Variants in FAM168A observed in about 807,000 individuals in gnomAD.
FAM168A encodes protein FAM168A.
In FAM168A, 3 loss-of-function variants were observed where a neutral mutation model predicts 28.5. That is an observed-to-expected ratio of 0.11 (90% CI 0.05 to 0.27). The LOEUF is 0.27. Among genes scored for constraint, FAM168A ranks in the 10% least tolerant of loss-of-function variants. FAM168A has a pLI of 1.00. For synonymous variants in FAM168A, 122 were observed against 124.2 expected (o/e 0.98, Z 0.12); for missense variants, 222 against 311.5 (o/e 0.71, Z 2.16).
At chr11:73,490,357 C>G (rs1868111270) in intron 1 of FAM168A, among the ~76,000 whole-genome samples, 1 of 152,212 alleles carries the variant, frequency 6.6e-6, no homozygotes, top group Non-Finnish European at 1.5e-5. Flanking sequence ...GAGTGGCTCT[C>G]TGAAAACATA....
chr11:73,545,881 C>A (rs1288917433), intron 1 of FAM168A, among the ~76,000 whole-genome samples: 3 of 151,526 alleles, frequency 2.0e-5, no homozygotes, highest in Non-Finnish European at 4.4e-5. Flanking sequence ...ATATTCACAA[C>A]AAAAAAACCC....
chr11:73,452,094 T>A (rs1342392850), intron 2 of FAM168A: 1 of 152,284 alleles, frequency 6.6e-6, no homozygotes, highest in Admixed American at 6.5e-5. Flanking sequence ...GTTGGAAGTC[T>A]GGGGATTCCA....
chr11:73,596,709 C>G (rs906277153), intron 1 of FAM168A, among the ~76,000 whole-genome samples: 5 of 152,022 alleles, frequency 3.3e-5, no homozygotes, highest in Non-Finnish European at 7.4e-5. Flanking sequence ...CAATCCTTCA[C>G]CACCAAAATA....
intron 2 of FAM168A, among the ~76,000 whole-genome samples, chr11:73,442,347 C>T (rs1590779394): frequency 6.6e-6 from 1 of 152,066 alleles, no homozygotes; most frequent in Non-Finnish European, 1.5e-5. Context: ...AGGATGGTCT[C>T]GATCTCCTGA....
At chr11:73,458,638 C>T (rs1369937862) in intron 2 of FAM168A, among the ~76,000 whole-genome samples, 5 of 152,036 alleles carry the variant, frequency 3.3e-5, no homozygotes, top group African/African-American at 7.2e-5. Flanking sequence ...TATGGAGTCT[C>T]GTTGCACTGT....
At chr11:73,473,375 C>A (rs546710380) in intron 1 of FAM168A, among the ~76,000 whole-genome samples, 1 of 152,202 alleles carries the variant, frequency 6.6e-6, no homozygotes, top group South Asian at 2.1e-4. Flanking sequence ...GGCCTCAAAC[C>A]CTTGTTCAAC....
chr11:73,555,439 A>T (rs1365237116), intron 1 of FAM168A, among the ~76,000 whole-genome samples: 2 of 152,032 alleles, frequency 1.3e-5, no homozygotes, highest in Non-Finnish European at 2.9e-5. Flanking sequence ...CAAAGGAAAA[A>T]TGGGGCTAAG....
At chr11:73,553,967 C>T (rs1174949039) in intron 1 of FAM168A, among the ~76,000 whole-genome samples, 1 of 151,724 alleles carries the variant, frequency 6.6e-6, no homozygotes, top group African/African-American at 2.4e-5. Flanking sequence ...CCAGTCACTG[C>T]ACCCCAGCCT....
At chr11:73,526,212 A>G (rs560330340) in intron 1 of FAM168A, among the ~76,000 whole-genome samples, 5 of 152,232 alleles carry the variant, frequency 3.3e-5, no homozygotes, top group Non-Finnish European at 7.3e-5. Flanking sequence ...ATGACACAAA[A>G]TTCACAGAAC....
In FAM168A at chr11:73,544,985, T is replaced by A. The variant is rs11235799; in HGVS notation, c.-19+52938A>T. Among the ~76,000 whole-genome samples, 79 of 73,056 alleles carry A rather than the reference T, an allele frequency of 1.1e-3. 5 individuals are homozygous for A. The highest frequency in any genetic ancestry group is 6.0e-3 in the African/African-American group (72 of 12,036). The allele number at this position is 73,056 out of a possible 152,430, so 47.9% of individuals were successfully genotyped here. On this transcript the variant is annotated intron_variant, in intron 1 of 7. Transcript: ENST00000356467. ...TATAATATATATTATATAATATATTTTATATATAGTATATATAATATACTA... is the reference window on the plus strand; with the variant it reads ...TATAATATATATTATATAATATATTATATATATAGTATATATAATATACTA...
Position 73,468,408 on chromosome 11 carries a change from T to A in FAM168A, c.67A>T (p.Thr23Ser). 6.2e-7 allele frequency: 1 copy of A among 1,614,050 alleles called. No homozygotes were observed. The change falls in exon 2 of 8, where the codon ACG becomes TCG. Residue 23 changes from threonine (T) to serine (S), a missense_variant. Physicochemically the swap from Thr to Ser is moderately conservative, Grantham distance 58. Coordinates refer to ENST00000356467, the MANE Select transcript of FAM168A (RefSeq NM_015159.3). ...PYGNPKNMAY[T>S]GYPTAYPAAA... ...GAGCCATTCTCACACTACTCACCCG[T>A]GTAGGCCATGTTCTTAGGGTTGCCA...
chr11:73,459,271 G>A (rs1867598665), intron 2 of FAM168A, among the ~76,000 whole-genome samples: 2 of 151,780 alleles, frequency 1.3e-5, no homozygotes, highest in South Asian at 4.2e-4. Flanking sequence ...TTTTTTTGTA[G>A]AAATGAGGTC....
At chr11:73,460,305 T>C (rs904200677) in intron 2 of FAM168A, among the ~76,000 whole-genome samples, 1 of 151,670 alleles carries the variant, frequency 6.6e-6, no homozygotes, top group Non-Finnish European at 1.5e-5. Context: ...ATCACAGGAG[T>C]CTTTTCCTCA....
intron 2 of FAM168A, among the ~76,000 whole-genome samples, chr11:73,457,952 G>T (rs1867571809): frequency 6.6e-6 from 1 of 152,108 alleles, no homozygotes; most frequent in Non-Finnish European, 1.5e-5. Context: ...TCCCTTGAAG[G>T]ATTATCATAA....
chr11:73,530,364 G>A (rs1417944840), intron 1 of FAM168A, among the ~76,000 whole-genome samples: 1 of 152,160 alleles, frequency 6.6e-6, no homozygotes, highest in Non-Finnish European at 1.5e-5. Context: ...CCGATAGAGG[G>A]TGCTGGAAGG....
intron 1 of FAM168A, among the ~76,000 whole-genome samples, chr11:73,471,533 G>A (rs1419846322): frequency 1.3e-5 from 2 of 152,130 alleles, no homozygotes; most frequent in Non-Finnish European, 2.9e-5. Flanking sequence ...TCATACATTT[G>A]TAGTTAATAC....
At chr11:73,512,775 C>CAGCT (rs1464132750) in intron 1 of FAM168A, among the ~76,000 whole-genome samples, 10 of 152,004 alleles carry the variant, frequency 6.6e-5, no homozygotes, top group African/African-American at 4.8e-5. Context: ...AAATATAATA[C>CAGCT]AGCTAGCTAG....
chr11:73,574,921 CCT>C (rs144240878), intron 1 of FAM168A, among the ~76,000 whole-genome samples: 4,830 of 151,786 alleles, frequency 0.032, 258 homozygotes, highest in African/African-American at 0.11. Context: ...CAAATTATCC[CCT>C]GATACTCTAC....
chr11:73,433,840 C>CTT (rs34260175), intron 2 of FAM168A, among the ~76,000 whole-genome samples: 768 of 83,174 alleles, frequency 9.2e-3, no homozygotes, highest in Non-Finnish European at 0.012. Flanking sequence ...AGGGTAGGCC[C>CTT]TTTTTTTTTT....
Sources: allele counts gnomAD v4.1 joint callset (sites outside exome capture counted in the v4.1 genomes callset), GRCh38; gene constraint gnomAD v4.1.1; transcripts MANE v1.5; gene names NCBI Gene and HGNC (gene_info 2026-07-23, HGNC 2026-07-21).